The following NRXN1 variants were observed in gnomAD, a reference collection of about 807,000 sequenced individuals.
NRXN1 encodes neurexin 1.
Under a neutral mutation model 150.9 loss-of-function variants are expected in NRXN1, and 39 were observed. That is an observed-to-expected ratio of 0.26 (90% CI 0.20 to 0.34). The LOEUF (loss-of-function observed/expected upper bound fraction) is 0.34. Among genes scored for constraint, NRXN1 ranks in the 10% least tolerant of loss-of-function variants. The pLI, the probability that NRXN1 is intolerant of heterozygous loss-of-function variation, is 1.00. For synonymous variants in NRXN1, 924 were observed against 757.0 expected, an observed-to-expected ratio of 1.22 and a Z score of -3.62; for missense variants, 1,815 against 1,949.9, an observed-to-expected ratio of 0.93 and a Z score of 1.30.
intron 17 of NRXN1, among the ~76,000 whole-genome samples, chr2:50,365,971 T>C (rs1258704316): frequency 6.6e-6 from 1 of 152,028 alleles, no homozygotes; most frequent in Non-Finnish European, 1.5e-5. Flanking sequence ...AAGTGGAATA[T>C]AATTTGTCCA....
At chr2:50,915,013 T>C (rs1189601810) in intron 5 of NRXN1, among the ~76,000 whole-genome samples, 2 of 151,530 alleles carry the variant, frequency 1.3e-5, no homozygotes, top group African/African-American at 4.8e-5. Flanking sequence ...TTAAAGTATG[T>C]TAAAAGATAG....
At chr2:50,643,246 T>C (rs1684321153) in intron 5 of NRXN1, among the ~76,000 whole-genome samples, 1 of 151,926 alleles carries the variant, frequency 6.6e-6, no homozygotes, top group African/African-American at 2.4e-5. Context: ...TTATTAGCGC[T>C]GTTTGTGTGG....
chr2:50,570,664 T>C (rs1227822190), intron 8 of NRXN1, among the ~76,000 whole-genome samples: 1 of 152,148 alleles, frequency 6.6e-6, no homozygotes, highest in Non-Finnish European at 1.5e-5. Context: ...TATGAATGTG[T>C]ATAAATTATA....
At chr2:50,243,367 A>ATT (rs2066207794) in intron 17 of NRXN1, among the ~76,000 whole-genome samples, 1 of 151,788 alleles carries the variant, frequency 6.6e-6, no homozygotes, top group Non-Finnish European at 1.5e-5. Context: ...TATATAGCAA[A>ATT]TTGTATGTTC....
At chr2:50,691,431 GA>G (rs1692053612) in intron 5 of NRXN1, among the ~76,000 whole-genome samples, 1 of 152,116 alleles carries the variant, frequency 6.6e-6, no homozygotes, top group South Asian at 2.1e-4. Flanking sequence ...AAATAAATGA[GA>G]TTTTTTAAAC....
intron 19 of NRXN1, among the ~76,000 whole-genome samples, chr2:50,083,853 G>C (rs547206254): frequency 6.6e-6 from 1 of 152,112 alleles, no homozygotes; most frequent in East Asian, 1.9e-4. Context: ...GCTAGATACA[G>C]AGTGCTGATT....
At chr2:50,090,939 A>G (rs1427173949) in intron 19 of NRXN1, among the ~76,000 whole-genome samples, 1 of 152,188 alleles carries the variant, frequency 6.6e-6, no homozygotes, top group Non-Finnish European at 1.5e-5. Context: ...TCTCAGAAAA[A>G]AAAAGTGTTA....
At chr2:50,080,658 C>G (rs937078913) in intron 19 of NRXN1, among the ~76,000 whole-genome samples, 51 of 152,072 alleles carry the variant, frequency 3.4e-4, no homozygotes, top group African/African-American at 1.2e-3. Flanking sequence ...AGTATCAGTG[C>G]TTAAAATAAA....
chr2:49,936,721 TAAAAAA>T lies in NRXN1; in HGVS notation c.4216+6977_4216+6982del, dbSNP rs35706467. On this transcript the variant is annotated intron_variant, in intron 22 of 22. Transcript: ENST00000401669. ...TAAAGTGTAGCAACCATTATATTGT[TAAAAAA>T]AAAAAAAAGTTCAAACCTCAGAAAA... Among the ~76,000 whole-genome samples, 1,040 of 141,896 alleles carry T rather than the reference TAAAAAA, an allele frequency of 7.3e-3. 16 individuals carry two copies. Among genetic ancestry groups the T allele is most frequent in the Middle Eastern group, 0.011 (3 of 266 alleles). 93.1% of individuals were successfully genotyped at this position (141,896 alleles called of 152,430 possible). A position where few individuals can be genotyped will look rare whatever the true frequency, so the allele number is the denominator to read the frequency against.
At chr2:50,931,449 A>G (rs1445980236) in intron 2 of NRXN1, among the ~76,000 whole-genome samples, 1 of 152,132 alleles carries the variant, frequency 6.6e-6, no homozygotes, top group Admixed American at 6.5e-5. Context: ...CATGCAGTGT[A>G]CAGAAAATAA....
intron 5 of NRXN1, among the ~76,000 whole-genome samples, chr2:50,730,234 A>G (rs1343053017): frequency 6.6e-6 from 1 of 152,090 alleles, no homozygotes; most frequent in African/African-American, 2.4e-5. Flanking sequence ...TTTTTATGTA[A>G]CATTTGTGAA....
chr2:50,503,927 A>G (rs2092087237), intron 13 of NRXN1, among the ~76,000 whole-genome samples: 1 of 152,152 alleles, frequency 6.6e-6, no homozygotes, highest in South Asian at 2.1e-4. Flanking sequence ...GGGATACTGT[A>G]TAGAGGCCAT....
At chr2:50,706,190 T>G (rs568454193) in intron 5 of NRXN1, among the ~76,000 whole-genome samples, 1 of 152,182 alleles carries the variant, frequency 6.6e-6, no homozygotes, top group East Asian at 1.9e-4. Flanking sequence ...TACATCTTTG[T>G]CAATCCTTCA....
chr2:50,497,984 G>A lies in NRXN1; in HGVS notation c.2498-270C>T, dbSNP rs144336493. ...AAAAGTAATGGTATCTTTTAAAGGC[G>A]AAAAATAAACAAATTAGCAAGAGAG... On this transcript the variant is annotated intron_variant, in intron 13 of 22. Transcript: ENST00000401669. Among the ~76,000 whole-genome samples the A allele has an allele frequency of 2.9e-4, 44 of 152,086 alleles. 1 individual carries two copies. The East Asian group carries it at 6.0e-3, about 21-fold the overall frequency.
chr2:50,845,903 C>T (rs1462698835), intron 5 of NRXN1, among the ~76,000 whole-genome samples: 1 of 152,158 alleles, frequency 6.6e-6, no homozygotes, highest in Non-Finnish European at 1.5e-5. Flanking sequence ...CTTTGACTGA[C>T]AAAAGTGATG....
chr2:50,422,279 A>G (rs187736025), intron 17 of NRXN1, among the ~76,000 whole-genome samples: 3 of 152,288 alleles, frequency 2.0e-5, no homozygotes, highest in South Asian at 2.1e-4. Context: ...AATTTCCTCT[A>G]AAACACCAGT....
chr2:50,593,791 C>A (rs879759464), intron 8 of NRXN1, among the ~76,000 whole-genome samples: 2 of 152,106 alleles, frequency 1.3e-5, no homozygotes, highest in Admixed American at 1.3e-4. Context: ...TCCAACATAT[C>A]TAGGCTGTTA....
chr2:50,774,879 C>T (rs1299799853), intron 5 of NRXN1, among the ~76,000 whole-genome samples: 3 of 152,124 alleles, frequency 2.0e-5, no homozygotes, highest in East Asian at 1.9e-4. Flanking sequence ...AATCACCAAT[C>T]GAATTTCTAA....
chr2:50,710,112 C>T (rs1291500951), intron 5 of NRXN1, among the ~76,000 whole-genome samples: 1 of 152,098 alleles, frequency 6.6e-6, no homozygotes, highest in African/African-American at 2.4e-5. Context: ...AAATTGTTCG[C>T]TTGCAACTTT....
Sources: allele counts gnomAD v4.1 joint callset (sites outside exome capture counted in the v4.1 genomes callset), GRCh38; gene constraint gnomAD v4.1.1; transcripts MANE v1.5; gene names NCBI Gene and HGNC (gene_info 2026-07-23, HGNC 2026-07-21).